CRADD: variants seen among roughly 807,000 people sequenced by gnomAD.
The protein encoded by CRADD is CARD and death domain containing adaptor protein.
In CRADD, 9 loss-of-function variants were observed where a neutral mutation model predicts 15.5. That is an observed-to-expected ratio of 0.58 (90% CI 0.35 to 1.01). The LOEUF (loss-of-function observed/expected upper bound fraction) is 1.01. Among genes scored for constraint, CRADD ranks in the 50% least tolerant of loss-of-function variants. CRADD has a pLI of 0.02. For synonymous variants in CRADD, 118 were observed against 107.6 expected, an observed-to-expected ratio of 1.10 and a Z score of -0.60; for missense variants, 227 against 250.3, an observed-to-expected ratio of 0.91 and a Z score of 0.63.
chr12:93,739,556 G>A (rs2136926651), intron 2 of CRADD, among the ~76,000 whole-genome samples: 1 of 150,894 alleles, frequency 6.6e-6, no homozygotes, highest in South Asian at 2.1e-4. Context: ...ATAATCAAAA[G>A]CATCAAGGCT....
rs76195826 is a variant in CRADD at position 93,701,343 on chromosome 12, A to G, written c.298+22271A>G. Among the ~76,000 whole-genome samples, 24 of 145,424 alleles carry G rather than the reference A, an allele frequency of 1.7e-4. 1 individual carries two copies. The East Asian group carries it at 4.8e-3, about 29-fold the overall frequency. The stretch of plus-strand genomic sequence containing the variant: ...ACACACACACACACAATCTGTAAGT[A>G]GTCTCCAGGGCTGTGGGCTGGTGTG... On this transcript the variant is annotated intron_variant, in intron 2 of 2. Transcript: ENST00000332896.
At chr12:93,747,465 TC>T (rs1488533209) in intron 2 of CRADD, among the ~76,000 whole-genome samples, 2 of 151,708 alleles carry the variant, frequency 1.3e-5, no homozygotes, top group African/African-American at 4.8e-5. Flanking sequence ...TTTTTCTTCT[TC>T]TTTTTTTTTT....
intron 2 of CRADD, chr12:93,708,447 T>G (rs1011173746): frequency 6.6e-6 from 1 of 152,258 alleles, no homozygotes; most frequent in African/African-American, 2.4e-5. Context: ...CTACCTCTCT[T>G]TTCCTCACTC....
chr12:93,785,102 A>T (rs1957264128), intron 2 of CRADD, among the ~76,000 whole-genome samples: 1 of 151,976 alleles, frequency 6.6e-6, no homozygotes, highest in Non-Finnish European at 1.5e-5. Flanking sequence ...TTTTTTTAAA[A>T]TAGGAACTAT....
chr12:93,849,822 A>G (rs1593043655), intron 2 of CRADD, 148 bp from the exon 3 acceptor site: 1 of 651,686 alleles, frequency 1.5e-6, no homozygotes, highest in East Asian at 2.7e-5. Flanking sequence ...ATGGCGTTGT[A>G]CAGAGCAGCC....
At chr12:93,685,033 A>ATT (rs2136798683) in intron 2 of CRADD, among the ~76,000 whole-genome samples, 1 of 152,308 alleles carries the variant, frequency 6.6e-6, no homozygotes, top group South Asian at 2.1e-4. Context: ...GTAATATTGA[A>ATT]TTACATGATG....
At chr12:93,762,758 A>T (rs4144500) in intron 2 of CRADD, among the ~76,000 whole-genome samples, 68,352 of 151,850 alleles carry the variant, frequency 0.45, 16,628 homozygotes, top group East Asian at 0.81. Flanking sequence ...TACAGTATCA[A>T]ACTTTTTTTT....
intron 2 of CRADD, among the ~76,000 whole-genome samples, chr12:93,871,555 C>T (rs114371246): frequency 0.01 from 1,565 of 152,204 alleles, 31 homozygotes; most frequent in African/African-American, 0.036. Context: ...TCACCTCTCC[C>T]GCAGCTCCCC....
intron 2 of CRADD, among the ~76,000 whole-genome samples, chr12:93,872,946 T>C (rs1244987192): frequency 6.6e-6 from 1 of 152,166 alleles, no homozygotes; most frequent in African/African-American, 2.4e-5. Context: ...CTGTGAAGAA[T>C]ATCATTGGTA....
intron 2 of CRADD, among the ~76,000 whole-genome samples, chr12:93,823,295 A>G (rs990407162): frequency 1.7e-5 from 1 of 57,684 alleles, no homozygotes; most frequent in African/African-American, 1.8e-4. Context: ...TCTGTCTCAA[A>G]AACAAAAAAA....
chr12:93,845,578 A>ATTTTTT (rs1555228663), intron 2 of CRADD, among the ~76,000 whole-genome samples: 2 of 77,374 alleles, frequency 2.6e-5, no homozygotes, highest in East Asian at 7.2e-4. Context: ...ATATATATAT[A>ATTTTTT]TTTTTAATAA....
chr12:93,838,448 G>T (rs1346707844), intron 2 of CRADD, among the ~76,000 whole-genome samples: 1 of 151,724 alleles, frequency 6.6e-6, no homozygotes, highest in African/African-American at 2.4e-5. Context: ...ACTGGATGTT[G>T]TCAGCCCCAG....
At chr12:93,843,144 T>C (rs951444054) in intron 2 of CRADD, among the ~76,000 whole-genome samples, 2 of 152,100 alleles carry the variant, frequency 1.3e-5, no homozygotes, top group African/African-American at 4.8e-5. Flanking sequence ...GTGTTTGTGG[T>C]AAGGTAGGGG....
intron 2 of CRADD, among the ~76,000 whole-genome samples, chr12:93,735,038 G>A (rs1956540444): frequency 6.6e-6 from 1 of 152,176 alleles, no homozygotes; most frequent in African/African-American, 2.4e-5. Flanking sequence ...TTCCTGTAAA[G>A]GTTAGAGGGT....
chr12:93,872,485 A>G (rs1421270474), intron 2 of CRADD, among the ~76,000 whole-genome samples: 1 of 152,118 alleles, frequency 6.6e-6, no homozygotes, highest in Non-Finnish European at 1.5e-5. Context: ...TGCCCAGGCC[A>G]ATGTTCTGGA....
At chr12:93,761,281 T>C (rs558345035) in intron 2 of CRADD, among the ~76,000 whole-genome samples, 1 of 152,292 alleles carries the variant, frequency 6.6e-6, no homozygotes, top group South Asian at 2.1e-4. Context: ...AAAAGGTTGC[T>C]TTGAGGCTGT....
intron 2 of CRADD, among the ~76,000 whole-genome samples, chr12:93,827,041 A>T (rs1957831756): frequency 6.6e-6 from 1 of 152,190 alleles, no homozygotes; most frequent in Non-Finnish European, 1.5e-5. Flanking sequence ...GGGACAAAAT[A>T]AACCCAAAAA....
chr12:93,819,955 C>T (rs565745700), intron 2 of CRADD, among the ~76,000 whole-genome samples: 2 of 152,340 alleles, frequency 1.3e-5, no homozygotes, highest in East Asian at 3.9e-4. Context: ...ACTCTCATAT[C>T]ACTCAGGCAT....
intron 2 of CRADD, among the ~76,000 whole-genome samples, chr12:93,802,679 G>A (rs927192032): frequency 2.0e-5 from 3 of 152,144 alleles, no homozygotes; most frequent in African/African-American, 7.2e-5. Context: ...CCTGACAAGG[G>A]GGGAAAACAC....
Sources: gnomAD v4.1 joint callset for allele counts (sites outside exome capture counted in the v4.1 genomes callset) on GRCh38, gnomAD v4.1.1 for gene constraint, MANE v1.5 for transcripts, NCBI Gene and HGNC (gene_info 2026-07-23, HGNC 2026-07-21) for gene names.